LRRC4C: variants seen among roughly 807,000 people sequenced by gnomAD.
The protein encoded by LRRC4C is leucine-rich repeat-containing protein 4C.
A neutral mutation model predicts 33.6 loss-of-function variants in LRRC4C; 5 were observed. The observed-to-expected ratio is 0.15, with a 90% CI of 0.08 to 0.31. The LOEUF (loss-of-function observed/expected upper bound fraction) is 0.31. Among genes scored for constraint, LRRC4C ranks in the 10% least tolerant of loss-of-function variants. The pLI is 1.00. For missense variants in LRRC4C, 560 were observed against 796.7 expected (o/e 0.70, Z 3.58); for synonymous variants, 329 against 302.0 (o/e 1.09, Z -0.93).
intron 4 of LRRC4C, among the ~76,000 whole-genome samples, chr11:40,296,945 C>T (rs1185053653): frequency 6.6e-6 from 1 of 152,150 alleles, no homozygotes; most frequent in Non-Finnish European, 1.5e-5. Flanking sequence ...ACAGTGCTAG[C>T]ATGCTAGATT....
chr11:40,565,656 G>A (rs12278603), intron 3 of LRRC4C, among the ~76,000 whole-genome samples: 1 of 152,154 alleles, frequency 6.6e-6, no homozygotes, highest in South Asian at 2.1e-4. Context: ...GCCTGTCTCG[G>A]CTTTCTCTCC....
chr11:40,989,294 C>T (rs1853328730), intron 1 of LRRC4C, among the ~76,000 whole-genome samples: 1 of 152,120 alleles, frequency 6.6e-6, no homozygotes, highest in Non-Finnish European at 1.5e-5. Context: ...TTTTGAATGA[C>T]TGTTCTGTGT....
chr11:40,465,330 G>C (rs190158595), intron 3 of LRRC4C, among the ~76,000 whole-genome samples: 1 of 152,050 alleles, frequency 6.6e-6, no homozygotes, highest in Admixed American at 6.6e-5. Context: ...CAATGACTTA[G>C]ATGTAAGACC....
chr11:40,339,102 A>G (rs775648248), intron 3 of LRRC4C, among the ~76,000 whole-genome samples: 2 of 152,180 alleles, frequency 1.3e-5, no homozygotes, highest in African/African-American at 2.4e-5. Flanking sequence ...GTGTTTCGGC[A>G]CACTGGATTT....
intron 4 of LRRC4C, among the ~76,000 whole-genome samples, chr11:40,277,481 T>C (rs1020776988): frequency 2.0e-5 from 3 of 152,040 alleles, no homozygotes; most frequent in East Asian, 1.9e-4. Context: ...GAAGGAACTA[T>C]AAAAAGCGGT....
At chr11:40,369,870 C>A (rs1948374964) in intron 3 of LRRC4C, among the ~76,000 whole-genome samples, 1 of 151,980 alleles carries the variant, frequency 6.6e-6, no homozygotes, top group African/African-American at 2.4e-5. Context: ...AAGCAAATAC[C>A]TAAACAACGT....
At chr11:41,006,268 G>A (rs1854746308) in intron 1 of LRRC4C, among the ~76,000 whole-genome samples, 1 of 152,096 alleles carries the variant, frequency 6.6e-6, no homozygotes, top group African/African-American at 2.4e-5. Flanking sequence ...TTTAAATTAA[G>A]TAATTGCTGT....
chr11:40,801,905 G>C (rs1030229743), intron 2 of LRRC4C, among the ~76,000 whole-genome samples: 1 of 152,072 alleles, frequency 6.6e-6, no homozygotes, highest in Non-Finnish European at 1.5e-5. Flanking sequence ...AGGTCAAGAA[G>C]GGAGAATCTA....
At chr11:40,485,943 T>C (rs1301138219) in intron 3 of LRRC4C, among the ~76,000 whole-genome samples, 2 of 151,864 alleles carry the variant, frequency 1.3e-5, no homozygotes, top group Non-Finnish European at 2.9e-5. Flanking sequence ...AGCTAATTGA[T>C]AAGAACACAT....
At chr11:41,391,463 A>T (rs1256895562) in intron 1 of LRRC4C, among the ~76,000 whole-genome samples, 1 of 151,898 alleles carries the variant, frequency 6.6e-6, no homozygotes, top group African/African-American at 2.4e-5. Flanking sequence ...ATACAGGAAA[A>T]AAAATGAAAT....
At chr11:41,010,087 G>A (rs1855063723) in intron 1 of LRRC4C, among the ~76,000 whole-genome samples, 1 of 152,140 alleles carries the variant, frequency 6.6e-6, no homozygotes, top group South Asian at 2.1e-4. Flanking sequence ...AGCTAGAAGA[G>A]TCAAGGAAGG....
intron 5 of LRRC4C, among the ~76,000 whole-genome samples, chr11:40,188,328 T>C (rs990130943): frequency 6.6e-6 from 1 of 152,206 alleles, no homozygotes; most frequent in African/African-American, 2.4e-5. Context: ...TCAGTGAATT[T>C]CCTTAAACAT....
chr11:40,806,732 C>T (rs1390795159), intron 2 of LRRC4C, among the ~76,000 whole-genome samples: 2 of 152,112 alleles, frequency 1.3e-5, no homozygotes, highest in Non-Finnish European at 2.9e-5. Flanking sequence ...GAATATTTTA[C>T]TTCATTTTAG....
At chr11:41,150,190 T>G (rs546719919) in intron 1 of LRRC4C, among the ~76,000 whole-genome samples, 5 of 152,288 alleles carry the variant, frequency 3.3e-5, no homozygotes, top group Admixed American at 6.5e-5. Context: ...GAAAAATTAA[T>G]CACTGTTCTC....
chr11:40,948,470 A>G (rs1399968401), intron 1 of LRRC4C, among the ~76,000 whole-genome samples: 2 of 142,000 alleles, frequency 1.4e-5, no homozygotes, highest in Non-Finnish European at 3.1e-5. Flanking sequence ...GCACCCACTA[A>G]CTCGTCATCT....
chr11:40,275,754 T>G (rs549393785), intron 4 of LRRC4C, among the ~76,000 whole-genome samples: 1 of 152,204 alleles, frequency 6.6e-6, no homozygotes, highest in South Asian at 2.1e-4. Flanking sequence ...AACAAAAAAG[T>G]CATAATTTCA....
intron 1 of LRRC4C, among the ~76,000 whole-genome samples, chr11:41,326,370 G>C (rs1209547081): frequency 2.0e-5 from 3 of 152,082 alleles, no homozygotes; most frequent in African/African-American, 4.8e-5. Flanking sequence ...CTAATTTTGA[G>C]GTTTTGGGAC....
chr11:40,579,921 C>G (rs1441301015), intron 3 of LRRC4C, among the ~76,000 whole-genome samples: 1 of 152,168 alleles, frequency 6.6e-6, no homozygotes, highest in Non-Finnish European at 1.5e-5. Flanking sequence ...CTTTCTGTCT[C>G]ACATTCATGT....
intron 2 of LRRC4C, among the ~76,000 whole-genome samples, chr11:40,886,072 G>A (rs945048067): frequency 6.6e-6 from 1 of 152,010 alleles, no homozygotes; most frequent in African/African-American, 2.4e-5. Flanking sequence ...TGCTCCTTCT[G>A]TAAACTTGGA....
Sources: gnomAD v4.1 joint callset for allele counts (sites outside exome capture counted in the v4.1 genomes callset) on GRCh38, gnomAD v4.1.1 for gene constraint, MANE v1.5 for transcripts, NCBI Gene and HGNC (gene_info 2026-07-23, HGNC 2026-07-21) for gene names.